The following CTNNA2 variants were observed in gnomAD, a reference collection of about 807,000 sequenced individuals.
CTNNA2 encodes catenin alpha-2.
A neutral mutation model predicts 101.0 loss-of-function variants in CTNNA2; 42 were observed. The observed-to-expected ratio is 0.42, with a 90% confidence interval of 0.32 to 0.54. The LOEUF is 0.54. Ranked by LOEUF, CTNNA2 falls within the 20% of genes least tolerant of loss-of-function variation. The pLI, the probability that CTNNA2 is intolerant of heterozygous loss-of-function variation, is 0.14. For missense variants in CTNNA2, 871 were observed against 1,223.1 expected (o/e 0.71, Z 4.29); for synonymous variants, 450 against 456.4 (o/e 0.99, Z 0.18).
At chr2:79,462,997 C>T (rs891758176) in intron 4 of CTNNA2, among the ~76,000 whole-genome samples, 4 of 152,168 alleles carry the variant, frequency 2.6e-5, no homozygotes, top group African/African-American at 4.8e-5. Flanking sequence ...TGGTGAAACT[C>T]GCTAGACTAT....
chr2:79,926,726 A>C (rs1687044388), intron 7 of CTNNA2, among the ~76,000 whole-genome samples: 1 of 151,942 alleles, frequency 6.6e-6, no homozygotes, highest in African/African-American at 2.4e-5. Flanking sequence ...AGAATTGAAC[A>C]TCTAAAACAG....
At chr2:79,483,818 G>A (rs1051922647) in intron 4 of CTNNA2, among the ~76,000 whole-genome samples, 2 of 152,152 alleles carry the variant, frequency 1.3e-5, no homozygotes, top group Non-Finnish European at 2.9e-5. Context: ...TGACTGATGA[G>A]CATTTGGGCT....
intron 1 of CTNNA2, among the ~76,000 whole-genome samples, chr2:79,582,661 T>A (rs1676219897): frequency 6.6e-6 from 1 of 152,188 alleles, no homozygotes; most frequent in South Asian, 2.1e-4. Context: ...AGCTGTTGGT[T>A]GGAATCAGAA....
rs67782114 is a variant in CTNNA2 at position 79,664,705 on chromosome 2, C to CTTTTTTTTTTTTTTTTTTTTTT, written c.102+13052_102+13073dup. Among the ~76,000 whole-genome samples the CTTTTTTTTTTTTTTTTTTTTTT allele has an allele frequency of 3.2e-5, 3 of 94,986 alleles. 1 individual carries two copies. Among genetic ancestry groups the CTTTTTTTTTTTTTTTTTTTTTT allele is most frequent in the African/African-American group, 1.3e-4 (3 of 22,924 alleles). 62.3% of individuals were successfully genotyped at this position (94,986 alleles called of 152,430 possible). ...TAAATTCTGGAGAATTCACATTCTT[C>CTTTTTTTTTTTTTTTTTTTTTT]TTTTTTTTTTTTTTTTTTTTTTTTT... On this transcript the variant is annotated intron_variant, in intron 2 of 18. Transcript: ENST00000402739.
chr2:79,781,577 G>T (rs1235260376), intron 3 of CTNNA2, among the ~76,000 whole-genome samples: 1 of 152,076 alleles, frequency 6.6e-6, no homozygotes, highest in East Asian at 1.9e-4. Context: ...CTAATTAATG[G>T]TTCCTTAAAT....
chr2:80,192,952 G>GT (rs1558890182), intron 7 of CTNNA2, among the ~76,000 whole-genome samples: 3 of 151,296 alleles, frequency 2.0e-5, no homozygotes, highest in South Asian at 2.1e-4. Flanking sequence ...TGTGTATAGT[G>GT]GTGTGTGTGT....
chr2:80,060,652 T>A (rs1697524498), intron 7 of CTNNA2, among the ~76,000 whole-genome samples: 1 of 152,228 alleles, frequency 6.6e-6, no homozygotes, highest in African/African-American at 2.4e-5. Flanking sequence ...TGGACCTTGT[T>A]CTTACAGTTC....
At chr2:80,144,553 C>G (rs1234835896) in intron 7 of CTNNA2, among the ~76,000 whole-genome samples, 1 of 152,114 alleles carries the variant, frequency 6.6e-6, no homozygotes, top group Non-Finnish European at 1.5e-5. Flanking sequence ...ACTTAGAGGA[C>G]GGTGTTGAGG....
chr2:80,096,486 T>C (rs952913721), intron 7 of CTNNA2, among the ~76,000 whole-genome samples: 2 of 152,220 alleles, frequency 1.3e-5, no homozygotes, highest in African/African-American at 4.8e-5. Flanking sequence ...TTCTGTTGAT[T>C]TGAAGTGGAG....
chr2:79,493,630 A>C (rs565757868), intron 4 of CTNNA2: 1 of 152,288 alleles, frequency 6.6e-6, no homozygotes, highest in Non-Finnish European at 1.5e-5. Context: ...AAAAACAAAA[A>C]TCTTAAAAAT....
intron 7 of CTNNA2, among the ~76,000 whole-genome samples, chr2:79,981,808 T>G (rs546177037): frequency 6.6e-6 from 1 of 152,100 alleles, no homozygotes; most frequent in Non-Finnish European, 1.5e-5. Flanking sequence ...ACCTAACTAA[T>G]GTATGTCCTT....
chr2:79,348,238 T>G (rs1677307632), intron 3 of CTNNA2, among the ~76,000 whole-genome samples: 1 of 152,228 alleles, frequency 6.6e-6, no homozygotes, highest in South Asian at 2.1e-4. Context: ...TCATATCATT[T>G]ATTATTCATA....
At chr2:80,619,052 C>A in intron 17 of CTNNA2, 33 bp from the exon 18 acceptor site, 1 of 1,323,506 alleles carries the variant, frequency 7.6e-7, no homozygotes, top group South Asian at 1.8e-5. Context: ...CTCTCTCTCT[C>A]ATTCTCTCTT....
At chr2:79,300,921 A>G (rs1676093572) in intron 2 of CTNNA2, among the ~76,000 whole-genome samples, 1 of 152,006 alleles carries the variant, frequency 6.6e-6, no homozygotes, top group Non-Finnish European at 1.5e-5. Context: ...CTCCAGGTGT[A>G]TTTTTGGTTC....
intron 7 of CTNNA2, among the ~76,000 whole-genome samples, chr2:79,930,324 GAA>G (rs869099487): frequency 6.9e-6 from 1 of 145,076 alleles, no homozygotes; most frequent in African/African-American, 2.6e-5. Context: ...AAGAAAGAAA[GAA>G]AGAAAGAAAG....
chr2:79,208,629 T>C (rs1674131029), intron 2 of CTNNA2, among the ~76,000 whole-genome samples: 1 of 152,186 alleles, frequency 6.6e-6, no homozygotes, highest in Non-Finnish European at 1.5e-5. Flanking sequence ...CTTTTGTTCT[T>C]CAAGCTGAAT....
intron 4 of CTNNA2, among the ~76,000 whole-genome samples, chr2:79,399,416 A>G (rs901083650): frequency 6.6e-6 from 1 of 152,162 alleles, no homozygotes; most frequent in Non-Finnish European, 1.5e-5. Flanking sequence ...AGTCTAAGGC[A>G]GGGTTTTAAA....
At chr2:79,333,823 T>C (rs535603254) in intron 3 of CTNNA2, among the ~76,000 whole-genome samples, 2 of 152,258 alleles carry the variant, frequency 1.3e-5, no homozygotes, top group South Asian at 4.1e-4. Flanking sequence ...AAAAATGAAC[T>C]ATGGGCACAA....
At chr2:79,526,078 C>T (rs981654449) in intron 1 of CTNNA2, among the ~76,000 whole-genome samples, 6 of 151,908 alleles carry the variant, frequency 3.9e-5, no homozygotes, top group Admixed American at 2.6e-4. Flanking sequence ...AGTTGCAGAG[C>T]TGTTCTTAAC....
Sources: allele counts gnomAD v4.1 joint callset (sites outside exome capture counted in the v4.1 genomes callset), GRCh38; gene constraint gnomAD v4.1.1; transcripts MANE v1.5; gene names NCBI Gene and HGNC (gene_info 2026-07-23, HGNC 2026-07-21).